CLIC5: variants seen among roughly 807,000 people sequenced by gnomAD.
CLIC5 encodes the protein CLIC family member 5, also known as chloride intracellular channel protein 5.
In CLIC5, 20 loss-of-function variants were observed where a neutral mutation model predicts 24.7. That is an observed-to-expected ratio of 0.81 (90% CI 0.57 to 1.18). The LOEUF (loss-of-function observed/expected upper bound fraction) is 1.18, where lower values mean the gene tolerates loss of function less well. CLIC5 is among the 50% of genes most tolerant of loss of function. The pLI, the probability that CLIC5 is intolerant of heterozygous loss-of-function variation, is 0.00. For synonymous variants in CLIC5, 159 were observed against 135.6 expected, an observed-to-expected ratio of 1.17 and a Z score of -1.20; for missense variants, 341 against 326.1, an observed-to-expected ratio of 1.05 and a Z score of -0.35.
At chr6:46,044,249 A>G (rs1477212553) in intron 1 of CLIC5, among the ~76,000 whole-genome samples, 1 of 152,222 alleles carries the variant, frequency 6.6e-6, no homozygotes, top group Admixed American at 6.5e-5. Context: ...TGACTAATAA[A>G]AAAGGAAAAT....
intron 1 of CLIC5, among the ~76,000 whole-genome samples, chr6:45,975,507 C>A (rs1053518126): frequency 3.9e-5 from 6 of 152,188 alleles, no homozygotes; most frequent in African/African-American, 1.4e-4. Context: ...ATGGCATCCT[C>A]AGTCCAGTGT....
At chr6:46,123,437 AT>A in the CLIC5 span, among the ~76,000 whole-genome samples, 1 of 152,210 alleles carries the variant, frequency 6.6e-6, no homozygotes, top group Non-Finnish European at 1.5e-5. Flanking sequence ...GTATCTAAAA[AT>A]AATAAGAGCT....
intron 1 of CLIC5, among the ~76,000 whole-genome samples, chr6:45,963,113 C>G (rs1427740344): frequency 6.6e-6 from 1 of 152,194 alleles, no homozygotes; most frequent in East Asian, 1.9e-4. Flanking sequence ...CTCTTGCCAG[C>G]CTTTCTTCTA....
chr6:45,940,508 C>G (rs553249497), intron 4 of CLIC5, among the ~76,000 whole-genome samples: 77 of 152,378 alleles, frequency 5.1e-4, no homozygotes, highest in African/African-American at 1.8e-3. Context: ...TGCATAGCTG[C>G]ATATGCTGGT....
Position 46,015,629 on chromosome 6 carries a change from C to T in CLIC5, c.-87G>A, listed in dbSNP as rs1766976429. The T allele has an allele frequency of 1.4e-6, 2 of 1,390,900 alleles. No individual in the cohort carries two copies. The highest frequency in any genetic ancestry group is 1.6e-5 in the South Asian group (1 of 63,314). 86.2% of individuals were successfully genotyped at this position (1,390,900 alleles called of 1,614,324 possible). ...CCAGCACTCTGCGCTCCTGCCGCTG[C>T]CCAGCGGGGCTCCTCTTCAGGGCGG... On this transcript the variant is annotated 5_prime_UTR_variant, in exon 1 of 6. Coordinates refer to ENST00000339561, the MANE Select transcript of CLIC5 (RefSeq NM_016929.5).
intron 1 of CLIC5, among the ~76,000 whole-genome samples, chr6:46,077,526 A>G (rs1311830465): frequency 2.6e-5 from 4 of 152,094 alleles, no homozygotes; most frequent in South Asian, 4.2e-4. Flanking sequence ...AGTTTCACTC[A>G]AGCAGAGAAG....
the CLIC5 span, among the ~76,000 whole-genome samples, chr6:46,108,687 C>T: frequency 6.6e-6 from 1 of 152,010 alleles, no homozygotes; most frequent in Admixed American, 6.6e-5. Flanking sequence ...TGTGAGCCAC[C>T]ACACCTTGCC....
chr6:46,041,566 A>G (rs1359703382), intron 1 of CLIC5, among the ~76,000 whole-genome samples: 2 of 152,218 alleles, frequency 1.3e-5, no homozygotes, highest in Non-Finnish European at 2.9e-5. Context: ...TCAAAAGAAA[A>G]CAGGGATTTT....
At chr6:45,957,836 C>G (rs1203421754) in intron 1 of CLIC5, among the ~76,000 whole-genome samples, 1 of 152,152 alleles carries the variant, frequency 6.6e-6, no homozygotes, top group Non-Finnish European at 1.5e-5. Flanking sequence ...GGTTAAATAT[C>G]GTGATCTGTG....
intron 4 of CLIC5, among the ~76,000 whole-genome samples, chr6:45,926,489 C>A (rs1763502491): frequency 6.6e-6 from 1 of 151,746 alleles, no homozygotes; most frequent in African/African-American, 2.4e-5. Flanking sequence ...AACTCCTGAC[C>A]TTGTGATCCG....
chr6:46,068,758 G>A (rs1417844995), intron 1 of CLIC5, among the ~76,000 whole-genome samples: 2 of 152,072 alleles, frequency 1.3e-5, no homozygotes, highest in African/African-American at 4.8e-5. Context: ...CATGCACAGG[G>A]GGAAGACCAT....
At chr6:45,973,323 C>A (rs182121851) in intron 1 of CLIC5, among the ~76,000 whole-genome samples, 45 of 152,316 alleles carry the variant, frequency 3.0e-4, no homozygotes, top group Admixed American at 1.3e-3. Context: ...CATGGCTGAG[C>A]AGTTCAGTGG....
At chr6:46,102,250 G>T in the CLIC5 span, among the ~76,000 whole-genome samples, 5 of 152,334 alleles carry the variant, frequency 3.3e-5, no homozygotes, top group African/African-American at 1.2e-4. Context: ...GGAGAAATAT[G>T]ATTGGACAAT....
intron 2 of CLIC5, among the ~76,000 whole-genome samples, chr6:45,949,800 T>C (rs771886843): frequency 2.0e-5 from 3 of 152,232 alleles, no homozygotes; most frequent in African/African-American, 7.2e-5. Context: ...AATTAGATCA[T>C]ACTTTTCTCC....
At chr6:46,080,301 A>AG in exon 1 of CLIC5, 3 of 1,423,050 alleles carry the variant, frequency 2.1e-6, no homozygotes, top group Non-Finnish European at 2.9e-6. Context: ...AAATGAATGA[A>AG]GGGACAGAGG....
chr6:45,930,277 T>A (rs1381007152), intron 4 of CLIC5, among the ~76,000 whole-genome samples: 1 of 152,202 alleles, frequency 6.6e-6, no homozygotes, highest in African/African-American at 2.4e-5. Flanking sequence ...AGCACTTTTT[T>A]ATTTTAGGTC....
chr6:46,122,826 T>A, the CLIC5 span: 2 of 152,072 alleles, frequency 1.3e-5, no homozygotes, highest in Non-Finnish European at 2.9e-5. Context: ...AACTAGAGAA[T>A]CTAGAAGAAA....
intron 1 of CLIC5, among the ~76,000 whole-genome samples, chr6:46,037,589 G>A (rs1767696911): frequency 2.0e-5 from 3 of 152,146 alleles, no homozygotes; most frequent in Non-Finnish European, 4.4e-5. Flanking sequence ...AATTATTTGG[G>A]TATGAAGTAA....
intron 1 of CLIC5, among the ~76,000 whole-genome samples, chr6:46,032,367 T>C (rs1196831716): frequency 1.3e-5 from 2 of 152,236 alleles, no homozygotes; most frequent in Non-Finnish European, 2.9e-5. Flanking sequence ...TTCATGAGAT[T>C]TGGGTGGTGA....
Sources: gnomAD v4.1 joint callset for allele counts (sites outside exome capture counted in the v4.1 genomes callset) on GRCh38, gnomAD v4.1.1 for gene constraint, MANE v1.5 for transcripts, NCBI Gene and HGNC (gene_info 2026-07-23, HGNC 2026-07-21) for gene names.